CCDC148: variants seen among roughly 807,000 people sequenced by gnomAD.
CCDC148 encodes coiled-coil domain-containing protein 148.
Under a neutral mutation model 85.7 loss-of-function variants are expected in CCDC148, and 89 were observed. The ratio of observed to expected loss-of-function variants is 1.04; its 90% CI spans 0.87 to 1.24. CCDC148 has a LOEUF of 1.24. Among genes scored for constraint, CCDC148 ranks in the 50% most tolerant of loss-of-function variants. CCDC148 has a pLI of 0.00. For synonymous variants in CCDC148, 230 were observed against 213.9 expected (o/e 1.08, Z -0.66); for missense variants, 692 against 671.7 (o/e 1.03, Z -0.33).
At chr2:158,424,711 TATA>T (rs1686992066) in intron 1 of CCDC148, 1 of 131,008 alleles carries the variant, frequency 7.6e-6, no homozygotes, top group African/African-American at 4.7e-5. Context: ...GAACTTAAAG[TATA>T]ATAATAAAAA....
chr2:158,277,216 GGAT>G (rs546040611), intron 9 of CCDC148, among the ~76,000 whole-genome samples: 219 of 152,226 alleles, frequency 1.4e-3, no homozygotes, highest in African/African-American at 5.2e-3. Flanking sequence ...CAACTCGAGG[GGAT>G]GATAACATTT....
intron 1 of CCDC148, among the ~76,000 whole-genome samples, chr2:158,454,578 G>C (rs938799295): frequency 6.6e-6 from 1 of 152,244 alleles, no homozygotes; most frequent in African/African-American, 2.4e-5. Context: ...ATTTGCAGAA[G>C]TGCAGGAAAA....
In CCDC148 at chr2:158,279,508, C is replaced by T. The variant is rs950776887; in HGVS notation, c.1111-28596G>A. On this transcript the variant is annotated intron_variant, in intron 9 of 13. Transcript: ENST00000283233. ...AAGCCTCAGGAGCCGATGTGATCAA[C>T]TGGAAGAAAGGGTATCAGTGATGGA... Among the ~76,000 whole-genome samples the T allele has an allele frequency of 3.9e-5, 6 of 152,182 alleles. 1 individual carries two copies. The South Asian group carries it at 1.2e-3, about 32-fold the overall frequency.
intron 2 of CCDC148, among the ~76,000 whole-genome samples, chr2:158,346,237 C>T (rs1229486064): frequency 6.6e-6 from 1 of 152,142 alleles, no homozygotes; most frequent in African/African-American, 2.4e-5. Flanking sequence ...CAAAGCAAGA[C>T]CCTGGGATGG....
At chr2:158,177,044 G>A (rs1684625879) in intron 12 of CCDC148, among the ~76,000 whole-genome samples, 1 of 151,900 alleles carries the variant, frequency 6.6e-6, no homozygotes, top group Non-Finnish European at 1.5e-5. Flanking sequence ...TTGACCATTA[G>A]CAATTTATGG....
intron 10 of CCDC148, among the ~76,000 whole-genome samples, chr2:158,236,465 T>C (rs1176698777): frequency 1.3e-5 from 2 of 152,172 alleles, no homozygotes; most frequent in Non-Finnish European, 2.9e-5. Context: ...AATTTGCCTG[T>C]AATCCTGTTT....
At chr2:158,385,534 T>A (rs1254929064) in intron 1 of CCDC148, among the ~76,000 whole-genome samples, 2 of 152,290 alleles carry the variant, frequency 1.3e-5, no homozygotes, top group South Asian at 2.1e-4. Flanking sequence ...AACATTCCAA[T>A]TAACCATTAA....
In CCDC148 at chr2:158,172,181, T is replaced by A. The variant is rs1442679964; in HGVS notation, c.1708A>T (p.Ile570Leu). The A allele has an allele frequency of 1.2e-6, 2 of 1,610,356 alleles. No individual in the cohort carries two copies. Among genetic ancestry groups the A allele is most frequent in the Non-Finnish European group, 1.7e-6 (2 of 1,177,624 alleles). ...TTTTGAGGACTAATTTTTGGTAATA[T>A]CTCTTTAGCATAAAGTGTTCTATGA... ...GLHRTLYAKE[I>L]LPKISPQKPP... The change falls in exon 14 of 14, where the codon ATA becomes TTA. Residue 570 changes from isoleucine to leucine, a missense_variant. Coordinates refer to ENST00000283233, the MANE Select transcript of CCDC148 (RefSeq NM_138803.4).
At chr2:158,217,537 G>T (rs982189895) in intron 11 of CCDC148, among the ~76,000 whole-genome samples, 2 of 151,688 alleles carry the variant, frequency 1.3e-5, no homozygotes, top group Non-Finnish European at 2.9e-5. Flanking sequence ...CAAGTAGCTG[G>T]GTCTACAGGC....
intron 1 of CCDC148, among the ~76,000 whole-genome samples, chr2:158,373,579 C>G (rs1004891097): frequency 6.6e-6 from 1 of 152,040 alleles, no homozygotes; most frequent in African/African-American, 2.4e-5. Flanking sequence ...GATGATCTTT[C>G]CTTTCCCTTG....
intron 1 of CCDC148, among the ~76,000 whole-genome samples, chr2:158,370,290 T>G (rs1191915611): frequency 3.9e-5 from 6 of 152,070 alleles, no homozygotes; most frequent in Admixed American, 3.9e-4. Flanking sequence ...GCACTTAAAA[T>G]TAAATTAAAT....
chr2:158,284,875 T>C (rs765236340), intron 9 of CCDC148, among the ~76,000 whole-genome samples: 2 of 152,228 alleles, frequency 1.3e-5, no homozygotes, highest in East Asian at 1.9e-4. Context: ...ACTGTGTTCA[T>C]GGAGATGAAA....
At chr2:158,345,542 T>G (rs915312991) in intron 2 of CCDC148, among the ~76,000 whole-genome samples, 2 of 152,172 alleles carry the variant, frequency 1.3e-5, no homozygotes, top group Admixed American at 6.5e-5. Flanking sequence ...AAACTGTTTT[T>G]AAAGTACTTA....
chr2:158,449,545 T>C lies in CCDC148; in HGVS notation c.25+6870A>G, dbSNP rs906649024. The stretch of plus-strand genomic sequence containing the variant: ...TCACTGCAGCCCCCACCTCCTGGGT[T>C]CAAGCAATTCTCCCTGCCTCAGCCT... On this transcript the variant is annotated intron_variant, in intron 1 of 13. Coordinates refer to ENST00000283233, the MANE Select transcript of CCDC148 (RefSeq NM_138803.4). Among the ~76,000 whole-genome samples, 17 of 152,108 alleles carry C rather than the reference T, an allele frequency of 1.1e-4. 1 individual carries two copies. The highest frequency in any genetic ancestry group is 8.5e-4 in the Admixed American group (13 of 15,278).
intron 1 of CCDC148, among the ~76,000 whole-genome samples, chr2:158,403,687 AAC>A (rs146802561): frequency 0.14 from 18,697 of 138,448 alleles, 1,248 homozygotes; most frequent in Middle Eastern, 0.17. Flanking sequence ...TCCTGTCTCA[AAC>A]ACACACACAC....
At chr2:158,456,298 G>A in intron 1 of CCDC148, 117 bp downstream of exon 1, 1 of 1,028,650 alleles carries the variant, frequency 9.7e-7, no homozygotes, top group Non-Finnish European at 1.5e-6. Flanking sequence ...AAAACGTTGA[G>A]GAAAGATCCA....
chr2:158,255,171 G>A (rs1053950850), intron 9 of CCDC148, among the ~76,000 whole-genome samples: 5 of 151,504 alleles, frequency 3.3e-5, no homozygotes, highest in African/African-American at 1.2e-4. Context: ...CTAGAGCAAA[G>A]CTTCAGCCTT....
intron 13 of CCDC148, among the ~76,000 whole-genome samples, chr2:158,175,030 C>A (rs542754167): frequency 6.6e-6 from 1 of 151,972 alleles, no homozygotes; most frequent in Non-Finnish European, 1.5e-5. Flanking sequence ...TGCTTTTCAG[C>A]GCCTGAACCT....
intron 2 of CCDC148, among the ~76,000 whole-genome samples, 153 bp downstream of exon 2, chr2:158,358,296 C>T (rs999966462): frequency 3.3e-5 from 5 of 152,114 alleles, no homozygotes; most frequent in Admixed American, 3.3e-4. Flanking sequence ...CGAGAGCATT[C>T]GATAAATGTT....
Sources: gnomAD v4.1 joint callset for allele counts (sites outside exome capture counted in the v4.1 genomes callset) on GRCh38, gnomAD v4.1.1 for gene constraint, MANE v1.5 for transcripts, NCBI Gene and HGNC (gene_info 2026-07-23, HGNC 2026-07-21) for gene names.